Variants in KCNN2 observed in about 807,000 individuals in gnomAD.
KCNN2 encodes potassium calcium-activated channel subfamily N member 2, also known as small conductance calcium-activated potassium channel protein 2.
A neutral mutation model predicts 55.5 loss-of-function variants in KCNN2; 24 were observed. The observed-to-expected ratio is 0.43, with a 90% confidence interval of 0.31 to 0.61. The LOEUF (loss-of-function observed/expected upper bound fraction) is 0.61, where lower values mean the gene tolerates loss of function less well. Ranked by LOEUF, KCNN2 falls within the 20% of genes least tolerant of loss-of-function variation. The pLI is 0.08. For synonymous variants in KCNN2, 431 were observed against 336.1 expected, an observed-to-expected ratio of 1.28 and a Z score of -3.09; for missense variants, 754 against 853.6, an observed-to-expected ratio of 0.88 and a Z score of 1.45.
intron 1 of KCNN2, among the ~76,000 whole-genome samples, chr5:114,158,285 C>T (rs955515668): frequency 3.3e-5 from 5 of 152,048 alleles, no homozygotes; most frequent in Non-Finnish European, 4.4e-5. Context: ...CTTGTTTTTG[C>T]CAGGTTTGTC....
At chr5:114,424,346 T>C (rs1031134838) in intron 3 of KCNN2, among the ~76,000 whole-genome samples, 1 of 152,192 alleles carries the variant, frequency 6.6e-6, no homozygotes, top group African/African-American at 2.4e-5. Context: ...AACTGACACC[T>C]TTTCTTAGCT....
chr5:114,410,750 T>C (rs1337587015), intron 3 of KCNN2, among the ~76,000 whole-genome samples: 1 of 152,056 alleles, frequency 6.6e-6, no homozygotes, highest in Non-Finnish European at 1.5e-5. Context: ...ATTGTGATAA[T>C]ATATAATAAA....
At chr5:114,443,476 A>G (rs1171926122) in intron 3 of KCNN2, among the ~76,000 whole-genome samples, 1 of 152,234 alleles carries the variant, frequency 6.6e-6, no homozygotes, top group African/African-American at 2.4e-5. Context: ...TCATTAGGCT[A>G]AATGCTTCGT....
chr5:114,216,266 T>C (rs1457904958), intron 1 of KCNN2, among the ~76,000 whole-genome samples: 1 of 152,130 alleles, frequency 6.6e-6, no homozygotes, highest in Non-Finnish European at 1.5e-5. Flanking sequence ...GAGAAACATA[T>C]GTGTGGTATT....
intron 2 of KCNN2, among the ~76,000 whole-genome samples, chr5:114,233,369 T>G (rs1446954515): frequency 6.6e-6 from 1 of 152,214 alleles, no homozygotes; most frequent in Non-Finnish European, 1.5e-5. Flanking sequence ...GGATACCTCT[T>G]CAGGTATATT....
chr5:114,292,743 C>A (rs1202666177), intron 2 of KCNN2, among the ~76,000 whole-genome samples: 7 of 152,158 alleles, frequency 4.6e-5, no homozygotes, highest in South Asian at 4.1e-4. Context: ...TCATTGATAG[C>A]TTGATGGGGA....
chr5:114,449,879 TACACACACAC>T lies in KCNN2; in HGVS notation c.1638-13149_1638-13140del, dbSNP rs745574908. 2.9e-3 allele frequency among the ~76,000 whole-genome samples: 272 copies of T among 93,452 alleles called. No homozygotes were observed. The East Asian group carries it at 0.065, about 22-fold the overall frequency. The allele number at this position is 93,452 out of a possible 152,430, so 61.3% of individuals were successfully genotyped here. ...TTAGAATAGAGTAAGCATCCAAACA[TACACACACAC>T]ACACACACACACACACACACGCGCG... On this transcript the variant is annotated intron_variant, in intron 3 of 7. Coordinates refer to ENST00000673685, the MANE Select transcript of KCNN2 (RefSeq NM_021614.4).
intron 2 of KCNN2, among the ~76,000 whole-genome samples, chr5:114,252,725 C>A (rs1287568758): frequency 2.6e-5 from 4 of 151,444 alleles, no homozygotes; most frequent in Non-Finnish European, 4.4e-5. Flanking sequence ...ATAGCCAGGA[C>A]AAGCTCATTC....
At chr5:114,134,462 T>TTGATTGATTGATTGATTGATTG (rs780804439) in intron 1 of KCNN2, among the ~76,000 whole-genome samples, 4 of 58,734 alleles carry the variant, frequency 6.8e-5, no homozygotes, top group African/African-American at 1.9e-4. Flanking sequence ...AACCATGATT[T>TTGATTGATTGATTGATTGATTG]ATTTATTTAT....
intron 1 of KCNN2, among the ~76,000 whole-genome samples, chr5:114,069,869 C>A (rs1311837816): frequency 6.6e-6 from 1 of 152,180 alleles, no homozygotes; most frequent in Non-Finnish European, 1.5e-5. Flanking sequence ...GGTGATAATG[C>A]ATGTCCCAGC....
intron 2 of KCNN2, among the ~76,000 whole-genome samples, chr5:114,370,276 C>G (rs375389332): frequency 6.6e-6 from 1 of 152,022 alleles, no homozygotes; most frequent in Admixed American, 6.6e-5. Context: ...CTGTTTCATT[C>G]TTAGCTCTTA....
intron 2 of KCNN2, among the ~76,000 whole-genome samples, chr5:114,247,109 G>C (rs1429690331): frequency 6.7e-6 from 1 of 149,110 alleles, no homozygotes; most frequent in Admixed American, 6.7e-5. Flanking sequence ...CTCGAGATCA[G>C]CGTGACCAAC....
At chr5:114,461,324 G>A (rs1364510557) in intron 3 of KCNN2, among the ~76,000 whole-genome samples, 1 of 152,192 alleles carries the variant, frequency 6.6e-6, no homozygotes, top group East Asian at 1.9e-4. Flanking sequence ...TCTGGGGAGA[G>A]GGGACTTTAC....
chr5:114,287,002 T>C (rs943324443), intron 2 of KCNN2, among the ~76,000 whole-genome samples: 1 of 152,224 alleles, frequency 6.6e-6, no homozygotes, highest in Admixed American at 6.5e-5. Context: ...AAAAATGTTA[T>C]ATCACTTGTC....
chr5:114,474,367 A>G (rs1761880432), intron 5 of KCNN2, among the ~76,000 whole-genome samples: 1 of 152,132 alleles, frequency 6.6e-6, no homozygotes, highest in Non-Finnish European at 1.5e-5. Context: ...TTTATAGTAG[A>G]TGGTCAGAGC....
chr5:114,160,988 C>T, intron 1 of KCNN2, among the ~76,000 whole-genome samples: 1 of 152,076 alleles, frequency 6.6e-6, no homozygotes, highest in East Asian at 1.9e-4. Context: ...TTAATTGGAG[C>T]ATTTAGTCCA....
At chr5:114,142,935 T>G (rs1752316226) in intron 1 of KCNN2, among the ~76,000 whole-genome samples, 1 of 152,172 alleles carries the variant, frequency 6.6e-6, no homozygotes, top group African/African-American at 2.4e-5. Context: ...AGAACAAAGC[T>G]GGAGGCATCA....
chr5:114,214,262 G>C (rs533026099), intron 1 of KCNN2, among the ~76,000 whole-genome samples: 1 of 152,084 alleles, frequency 6.6e-6, no homozygotes, highest in South Asian at 2.1e-4. Context: ...TATAGACGAT[G>C]TATAGAGAAT....
In KCNN2 at chr5:114,419,284, G is replaced by A. The variant is rs886883456; in HGVS notation, c.1637+14428G>A. ...TTTTCACATTTTTTAATTGTTTGGC[G>A]AAAAAGAGATTATGTGATAGAGACT... On this transcript the variant is annotated intron_variant, in intron 3 of 7. Coordinates refer to ENST00000673685, the MANE Select transcript of KCNN2 (RefSeq NM_021614.4). 3.9e-5 allele frequency among the ~76,000 whole-genome samples: 6 copies of A among 152,154 alleles called. No individual in the cohort carries two copies. The South Asian group carries it at 1.0e-3, about 26-fold the overall frequency.
Sources: allele counts gnomAD v4.1 joint callset (sites outside exome capture counted in the v4.1 genomes callset), GRCh38; gene constraint gnomAD v4.1.1; transcripts MANE v1.5; gene names NCBI Gene and HGNC (gene_info 2026-07-23, HGNC 2026-07-21).